The following MYRIP variants were observed in gnomAD, a reference collection of about 807,000 sequenced individuals.
MYRIP encodes the protein rab effector MyRIP.
A neutral mutation model predicts 98.0 loss-of-function variants in MYRIP; 49 were observed. That is an observed-to-expected ratio of 0.50 (90% confidence interval 0.40 to 0.63). The LOEUF (loss-of-function observed/expected upper bound fraction) is 0.63. Among genes scored for constraint, MYRIP ranks in the 30% least tolerant of loss-of-function variants. MYRIP has a pLI of 0.00. For synonymous variants in MYRIP, 404 were observed against 409.5 expected (o/e 0.99, Z 0.16); for missense variants, 1,004 against 1,058.2 (o/e 0.95, Z 0.71).
chr3:40,206,378 T>C lies in MYRIP; in HGVS notation c.1666-3476T>C, dbSNP rs75258082. ...CTTTTAATAATGGTGCTTCCAGTTA[T>C]GCTCATGGTATCATCTGGGCATCAG... On this transcript the variant is annotated intron_variant, in intron 10 of 16. Transcript: ENST00000302541. 2.5e-3 allele frequency among the ~76,000 whole-genome samples: 383 copies of C among 152,310 alleles called. 1 individual carries two copies. Among genetic ancestry groups the C allele is most frequent in the Non-Finnish European group, 4.6e-3 (312 of 68,028 alleles).
intron 3 of MYRIP, among the ~76,000 whole-genome samples, chr3:40,084,328 G>GTATTATATATCGATAT (rs1182401685): frequency 3.7e-4 from 18 of 48,848 alleles, no homozygotes; most frequent in Admixed American, 8.7e-4. Flanking sequence ...TATATCGATA[G>GTATTATATATCGATAT]ATAATACACA....
intron 2 of MYRIP, among the ~76,000 whole-genome samples, chr3:39,924,961 G>A (rs1944386767): frequency 1.3e-5 from 2 of 151,794 alleles, no homozygotes; most frequent in African/African-American, 4.8e-5. Flanking sequence ...TGCTAAAGTA[G>A]TACATAGAAG....
intron 8 of MYRIP, among the ~76,000 whole-genome samples, chr3:40,177,954 A>G (rs1950803291): frequency 6.6e-6 from 1 of 152,068 alleles, no homozygotes; most frequent in South Asian, 2.1e-4. Flanking sequence ...TTGAATGGCC[A>G]TAGTATAGAA....
At chr3:40,173,749 G>T (rs1340147726) in intron 8 of MYRIP, 4 of 152,156 alleles carry the variant, frequency 2.6e-5, no homozygotes, top group African/African-American at 9.7e-5. Flanking sequence ...GACATTTAGA[G>T]GCACAAGCCA....
intron 3 of MYRIP, among the ~76,000 whole-genome samples, chr3:40,085,803 A>G (rs570584861): frequency 1.3e-5 from 2 of 152,358 alleles, no homozygotes; most frequent in South Asian, 2.1e-4. Flanking sequence ...AAAATAGACT[A>G]TCTCTCTCCT....
At chr3:39,922,728 G>A (rs777947407) in intron 2 of MYRIP, among the ~76,000 whole-genome samples, 46 of 152,238 alleles carry the variant, frequency 3.0e-4, no homozygotes, top group Non-Finnish European at 4.3e-4. Flanking sequence ...AGAGAGAGCC[G>A]CTAAAACAGA....
chr3:39,910,692 A>T (rs1944000297), intron 2 of MYRIP, among the ~76,000 whole-genome samples: 1 of 152,232 alleles, frequency 6.6e-6, no homozygotes, highest in South Asian at 2.1e-4. Flanking sequence ...ATATATTTTT[A>T]AAGTTAATTT....
chr3:39,879,657 T>C (rs773935658), intron 1 of MYRIP, among the ~76,000 whole-genome samples: 26 of 152,310 alleles, frequency 1.7e-4, no homozygotes, highest in South Asian at 6.2e-4. Context: ...TCTGGTTTCA[T>C]AGGAAAGCTT....
rs78611664 is a variant in MYRIP, at chr3:39,871,356, T to A, written c.-30-29431T>A. Among the ~76,000 whole-genome samples the A allele has an allele frequency of 9.9e-3, 1,510 of 152,328 alleles. 27 individuals carry two copies. The highest frequency in any genetic ancestry group is 0.035 in the African/African-American group (1,448 of 41,578). On this transcript the variant is annotated intron_variant, in intron 1 of 16. Transcript: ENST00000302541. ...GTGATTTGAGTTCAACTTTGAAAAC[T>A]GCATGGACTTTAGGGCTATCCTTTA...
chr3:40,021,414 A>C (rs1267250635), intron 2 of MYRIP, among the ~76,000 whole-genome samples: 1 of 152,188 alleles, frequency 6.6e-6, no homozygotes, highest in African/African-American at 2.4e-5. Flanking sequence ...AATAGAATTA[A>C]AGTAGGAGTT....
chr3:39,826,480 T>G (rs936119906), intron 1 of MYRIP, among the ~76,000 whole-genome samples: 1 of 152,174 alleles, frequency 6.6e-6, no homozygotes. Context: ...ATATTCTTAT[T>G]ATTAATTTCC....
intron 1 of MYRIP, among the ~76,000 whole-genome samples, chr3:39,888,314 C>T (rs954893683): frequency 6.6e-6 from 1 of 151,976 alleles, no homozygotes; most frequent in African/African-American, 2.4e-5. Flanking sequence ...CAGCATGGTA[C>T]TGGTACCAAA....
At chr3:40,251,855 AT>A (rs548474944) in intron 15 of MYRIP, 25 bp from the exon 16 acceptor site, 1 of 1,504,434 alleles carries the variant, frequency 6.6e-7, no homozygotes, top group Non-Finnish European at 9.3e-7. Context: ...TCTGGGTAAC[AT>A]TTTTTCCCAT....
At chr3:40,099,167 A>C (rs1948891796) in intron 3 of MYRIP, among the ~76,000 whole-genome samples, 1 of 152,192 alleles carries the variant, frequency 6.6e-6, no homozygotes, top group Admixed American at 6.5e-5. Flanking sequence ...CCACATCAGA[A>C]GAGGATGGGT....
intron 2 of MYRIP, among the ~76,000 whole-genome samples, chr3:39,978,989 G>A (rs965995910): frequency 9.9e-5 from 15 of 152,114 alleles, no homozygotes; most frequent in African/African-American, 3.6e-4. Flanking sequence ...TTGCATAGGA[G>A]GTGGAGAAGC....
chr3:39,949,820 T>C (rs1944970931), intron 2 of MYRIP, among the ~76,000 whole-genome samples: 1 of 152,190 alleles, frequency 6.6e-6, no homozygotes, highest in Admixed American at 6.5e-5. Context: ...AGCACCTGTG[T>C]GCTCTTTTGT....
intron 9 of MYRIP, among the ~76,000 whole-genome samples, chr3:40,186,365 G>A (rs912547203): frequency 1.3e-5 from 2 of 152,262 alleles, no homozygotes; most frequent in South Asian, 4.1e-4. Context: ...GTTTATTTGG[G>A]AGGTGAGCCC....
chr3:39,871,189 C>G (rs1466721659), intron 1 of MYRIP, among the ~76,000 whole-genome samples: 1 of 152,052 alleles, frequency 6.6e-6, no homozygotes, highest in Non-Finnish European at 1.5e-5. Flanking sequence ...TAGAAAACCC[C>G]CAAATAGGAA....
chr3:39,944,306 A>C (rs1944852400), intron 2 of MYRIP, among the ~76,000 whole-genome samples: 1 of 152,194 alleles, frequency 6.6e-6, no homozygotes, highest in African/African-American at 2.4e-5. Context: ...AATATACACC[A>C]ATACAATATT....
Sources: allele counts gnomAD v4.1 joint callset (sites outside exome capture counted in the v4.1 genomes callset), GRCh38; gene constraint gnomAD v4.1.1; transcripts MANE v1.5; gene names NCBI Gene and HGNC (gene_info 2026-07-23, HGNC 2026-07-21).